Variants in USP13 observed in about 807,000 individuals in gnomAD.
The protein encoded by USP13 is ubiquitin specific peptidase 13, also known as ubiquitin carboxyl-terminal hydrolase 13.
Under a neutral mutation model 107.8 loss-of-function variants are expected in USP13, and 68 were observed. The ratio of observed to expected loss-of-function variants is 0.63; its 90% CI spans 0.52 to 0.77. The LOEUF is 0.77. Among genes scored for constraint, USP13 ranks in the 30% least tolerant of loss-of-function variants. The pLI, the probability that USP13 is intolerant of heterozygous loss-of-function variation, is 0.00. For missense variants in USP13, 945 were observed against 1,093.3 expected (o/e 0.86, Z 1.91); for synonymous variants, 377 against 389.5 (o/e 0.97, Z 0.38).
chr3:179,672,922 C>T (rs887551063), intron 1 of USP13, among the ~76,000 whole-genome samples: 3 of 152,158 alleles, frequency 2.0e-5, no homozygotes, highest in Non-Finnish European at 2.9e-5. Flanking sequence ...GCACATTGGT[C>T]ATTCTGGGCT....
intron 20 of USP13, among the ~76,000 whole-genome samples, 187 bp from the exon 21 acceptor site, chr3:179,783,860 TA>T (rs55669733): frequency 0.096 from 13,229 of 137,120 alleles, 658 homozygotes; most frequent in Non-Finnish European, 0.14. Flanking sequence ...CCTTGTCTCT[TA>T]AAAAAAAAAA....
chr3:179,657,468 A>G (rs1405092151), intron 1 of USP13, among the ~76,000 whole-genome samples: 1 of 151,982 alleles, frequency 6.6e-6, no homozygotes, highest in East Asian at 1.9e-4. Flanking sequence ...AAGAAAGAAA[A>G]ATAGTCAGTC....
At chr3:179,775,991 C>T (rs1051955839) in intron 19 of USP13, among the ~76,000 whole-genome samples, 1 of 152,142 alleles carries the variant, frequency 6.6e-6, no homozygotes, top group Non-Finnish European at 1.5e-5. Context: ...ATGTCACGGT[C>T]GAGGAGGTGC....
chr3:179,712,090 G>A (rs542195174), intron 6 of USP13, among the ~76,000 whole-genome samples: 2 of 152,222 alleles, frequency 1.3e-5, no homozygotes, highest in South Asian at 4.2e-4. Context: ...GTCCATTGTT[G>A]ACCAAAATGT....
Position 179,784,162 on chromosome 3 carries a change from C to G in USP13, c.*21C>G. The G allele has an allele frequency of 6.5e-7, 1 of 1,541,662 alleles. No individual in the cohort carries two copies. The highest frequency in any genetic ancestry group is 8.8e-7 in the Non-Finnish European group (1 of 1,142,392). ...GCTAAACCTCAAATATAAAAATTGGCGAAAAGAAGCCATACGCCTTTTTAA... is the reference window on the plus strand; with the variant it reads ...GCTAAACCTCAAATATAAAAATTGGGGAAAAGAAGCCATACGCCTTTTTAA... On this transcript the variant is annotated 3_prime_UTR_variant, in exon 21 of 21. Transcript: ENST00000263966.
intron 8 of USP13, among the ~76,000 whole-genome samples, chr3:179,727,807 C>A (rs1256751647): frequency 1.1e-5 from 1 of 90,188 alleles, no homozygotes; most frequent in Admixed American, 1.1e-4. Flanking sequence ...GACCCCCCCC[C>A]CACCTCCCTC....
At chr3:179,699,959 T>C (rs191588669) in intron 3 of USP13, among the ~76,000 whole-genome samples, 2 of 152,120 alleles carry the variant, frequency 1.3e-5, no homozygotes, top group East Asian at 1.9e-4. Flanking sequence ...AGAGCCTATG[T>C]TTCTGTGTGT....
At position 179,692,198 on chromosome 3, in the gene USP13, G is replaced by T. The variant is rs574364720; in HGVS notation, c.355+1897G>T. Among the ~76,000 whole-genome samples the T allele has an allele frequency of 4.6e-5, 7 of 152,328 alleles. No homozygotes were observed. In the East Asian group the frequency reaches 7.7e-4, roughly 17 times the overall value. The stretch of plus-strand genomic sequence containing the variant: ...TAATAGTAGCTCTTTCCCGGTAATA[G>T]AATGGAAGTGATTCTGATTTTCATC... On this transcript the variant is annotated intron_variant, in intron 3 of 20. Transcript: ENST00000263966.
At chr3:179,758,760 C>T (rs1003622061) in intron 16 of USP13, among the ~76,000 whole-genome samples, 1 of 151,902 alleles carries the variant, frequency 6.6e-6, no homozygotes, top group East Asian at 2.0e-4. Flanking sequence ...GGCCTCCCAA[C>T]GTGCTGGGAT....
At chr3:179,761,944 T>C (rs563338670) in intron 17 of USP13, among the ~76,000 whole-genome samples, 1 of 152,380 alleles carries the variant, frequency 6.6e-6, no homozygotes, top group Admixed American at 6.5e-5. Context: ...TATTAAGCTA[T>C]AATGCATATA....
At chr3:179,780,346 A>G (rs1715702980) in intron 19 of USP13, among the ~76,000 whole-genome samples, 1 of 152,242 alleles carries the variant, frequency 6.6e-6, no homozygotes, top group African/African-American at 2.4e-5. Context: ...GGAATCGACT[A>G]AAAAATGATT....
At chr3:179,672,775 A>G (rs762468148) in intron 1 of USP13, among the ~76,000 whole-genome samples, 2 of 152,208 alleles carry the variant, frequency 1.3e-5, no homozygotes, top group African/African-American at 2.4e-5. Context: ...GGAAATCATT[A>G]TAGAGCCCTG....
At position 179,653,535 on chromosome 3, in the gene USP13, A is replaced by C. The variant is rs1335995711; in HGVS notation, c.168+142A>C. ...TGGCTCAGGAACACTGCAGTTCGGCAGACACTTAGTGAGCGCCCCAGGGCT... is the reference window on the plus strand; with the variant it reads ...TGGCTCAGGAACACTGCAGTTCGGCCGACACTTAGTGAGCGCCCCAGGGCT... On this transcript the variant is annotated intron_variant, in intron 1 of 20. Coordinates refer to ENST00000263966, the MANE Select transcript of USP13 (RefSeq NM_003940.3). The surrounding 1 kb of genome is among the most constrained non-coding windows in gnomAD (Gnocchi z 4.0). The C allele has an allele frequency of 7.4e-6, 9 of 1,213,436 alleles. No homozygotes were observed. Among genetic ancestry groups the C allele is most frequent in the South Asian group, 1.5e-5 (1 of 64,522 alleles). The allele number at this position is 1,213,436 out of a possible 1,614,324, so 75.2% of individuals were successfully genotyped here.
intron 1 of USP13, among the ~76,000 whole-genome samples, chr3:179,677,243 C>T (rs7630406): frequency 7.9e-5 from 12 of 151,868 alleles, no homozygotes; most frequent in East Asian, 7.8e-4. Context: ...TTATGGACTT[C>T]GTGACATTAT....
At chr3:179,726,066 TAAG>T (rs1173095335) in intron 8 of USP13, among the ~76,000 whole-genome samples, 2 of 151,922 alleles carry the variant, frequency 1.3e-5, no homozygotes, top group African/African-American at 4.8e-5. Flanking sequence ...TGATGCATGC[TAAG>T]AAGAAAGTCA....
intron 10 of USP13, among the ~76,000 whole-genome samples, chr3:179,737,701 T>A (rs1714042088): frequency 6.6e-6 from 1 of 152,246 alleles, no homozygotes; most frequent in South Asian, 2.1e-4. Flanking sequence ...AGTCCTTAGA[T>A]GCCCAAATGC....
At chr3:179,763,002 C>T (rs965862694) in intron 17 of USP13, among the ~76,000 whole-genome samples, 1 of 152,104 alleles carries the variant, frequency 6.6e-6, no homozygotes, top group African/African-American at 2.4e-5. Flanking sequence ...AACAACTTTT[C>T]GTATGTTTAT....
intron 16 of USP13, 39 bp from the exon 17 acceptor site, chr3:179,761,073 T>G: frequency 6.2e-7 from 1 of 1,612,272 alleles, no homozygotes; most frequent in Non-Finnish European, 8.5e-7. Context: ...AAGCGACAGT[T>G]TCCTCTTTCA....
At chr3:179,774,483 C>T (rs1170687429) in intron 19 of USP13, among the ~76,000 whole-genome samples, 6 of 151,996 alleles carry the variant, frequency 3.9e-5, no homozygotes, top group African/African-American at 1.2e-4. Context: ...CAGACCTTCA[C>T]GGCAAGTGCT....
Sources: gnomAD v4.1 joint callset for allele counts (sites outside exome capture counted in the v4.1 genomes callset) on GRCh38, gnomAD v4.1.1 for gene constraint, Gnocchi (gnomAD v3.1) non-coding constraint, MANE v1.5 for transcripts, NCBI Gene and HGNC (gene_info 2026-07-23, HGNC 2026-07-21) for gene names.